The following FANCB variants were observed in gnomAD, a reference collection of about 807,000 sequenced individuals.
FANCB encodes the protein FA complementation group B, also known as Fanconi anemia group B protein.
In FANCB, 5 loss-of-function variants were observed where a neutral mutation model predicts 38.9. The ratio of observed to expected loss-of-function variants is 0.13; its 90% CI spans 0.07 to 0.27. The LOEUF is 0.27. FANCB is among the 10% of genes least tolerant of loss of function. The probability of loss-of-function intolerance (pLI) is 1.00; values close to 1 mark genes in which losing one functional copy is unlikely to be tolerated. For missense variants in FANCB, 573 were observed against 602.7 expected (o/e 0.95, Z 0.52); for synonymous variants, 236 against 215.4 (o/e 1.10, Z -0.84).
intron 10 of FANCB, among the ~76,000 whole-genome samples, chrX:14,837,254 C>G (rs2092343662): frequency 8.9e-6 from 1 of 112,292 alleles, no homozygotes; most frequent in Admixed American, 9.5e-5. Context: ...CACCTTGCAC[C>G]TTTCCCTGGA....
rs141160024 is a variant in FANCB, at chrX:14,851,828, G to A, written c.1327-1154C>T. On this transcript the variant is annotated intron_variant, in intron 6 of 9. Coordinates refer to ENST00000650831, the MANE Select transcript of FANCB (RefSeq NM_001018113.3). The stretch of plus-strand genomic sequence containing the variant: ...GAAATTAGAACAGTAATATAGAAAT[G>A]CAACACAATGTTTTTTTGTTACGTT... 5.7e-3 allele frequency among the ~76,000 whole-genome samples: 634 copies of A among 112,168 alleles called. 4 individuals are homozygous for A. The highest frequency in any genetic ancestry group is 8.2e-3 in the Non-Finnish European group (437 of 53,211).
exon 11 of FANCB, chrX:14,836,204 A>G (rs973713194): frequency 3.6e-5 from 4 of 112,138 alleles, no homozygotes; most frequent in Non-Finnish European, 7.5e-5. Flanking sequence ...CACTCACATG[A>G]AGTATCTAAA....
chrX:14,744,546 A>G, the FANCB span, among the ~76,000 whole-genome samples: 1 of 112,031 alleles, frequency 8.9e-6, no homozygotes, highest in East Asian at 2.8e-4. Flanking sequence ...TGAACATTCA[A>G]TTTAAAAGAG....
At chrX:14,794,755 T>G in the FANCB span, among the ~76,000 whole-genome samples, 1 of 111,968 alleles carries the variant, frequency 8.9e-6, no homozygotes, top group African/African-American at 3.2e-5. Flanking sequence ...TTGCAGTAGG[T>G]GGGCTCATCC....
At chrX:14,745,999 C>T in the FANCB span, among the ~76,000 whole-genome samples, 1 of 110,825 alleles carries the variant, frequency 9.0e-6, no homozygotes, top group Non-Finnish European at 1.9e-5. Flanking sequence ...CGCACCCGGC[C>T]GAAACTCTGG....
chrX:14,754,389 T>C, the FANCB span, among the ~76,000 whole-genome samples: 5 of 112,351 alleles, frequency 4.5e-5, no homozygotes, highest in Admixed American at 1.9e-4. Context: ...GACTGAATGA[T>C]GGCCACAGTG....
the FANCB span, chrX:14,730,213 G>T: frequency 8.3e-7 from 1 of 1,199,345 alleles, no homozygotes; most frequent in Non-Finnish European, 1.1e-6. Context: ...TCAGGAAGAA[G>T]ACGTTACTCG....
the FANCB span, among the ~76,000 whole-genome samples, chrX:14,809,227 G>A: frequency 8.9e-4 from 100 of 112,399 alleles, no homozygotes; most frequent in Non-Finnish European, 1.7e-3. Context: ...GAACAGCTCC[G>A]GTCTACAGCT....
chrX:14,804,162 C>T, the FANCB span, among the ~76,000 whole-genome samples: 2 of 111,958 alleles, frequency 1.8e-5, no homozygotes, highest in Admixed American at 1.9e-4. Context: ...ATAAATCATG[C>T]TGCTATAAAG....
At chrX:14,725,039 C>G in the FANCB span, among the ~76,000 whole-genome samples, 1 of 111,510 alleles carries the variant, frequency 9.0e-6, no homozygotes, top group African/African-American at 3.3e-5. Context: ...TCAGACAGAC[C>G]TGGATTTGAA....
the FANCB span, among the ~76,000 whole-genome samples, chrX:14,764,340 T>C: frequency 1.1e-4 from 12 of 111,603 alleles, 1 homozygote; most frequent in South Asian, 4.5e-3. Flanking sequence ...TCTGCTCATA[T>C]TCCATCTCGC....
the FANCB span, among the ~76,000 whole-genome samples, chrX:14,702,829 G>A: frequency 9.0e-6 from 1 of 111,459 alleles, no homozygotes; most frequent in Admixed American, 9.5e-5. Context: ...GGACAGGGTT[G>A]CGTGAAAAGG....
intron 7 of FANCB, among the ~76,000 whole-genome samples, chrX:14,848,720 T>C (rs2092387856): frequency 1.8e-5 from 2 of 112,183 alleles, no homozygotes; most frequent in South Asian, 7.4e-4. Flanking sequence ...TACTTCTACA[T>C]ACAAAAATGT....
At chrX:14,839,024 C>T (rs1449238678), downstream of FANCB, among the ~76,000 whole-genome samples, 1 of 111,637 alleles carries the variant, frequency 9.0e-6, no homozygotes, top group Non-Finnish European at 1.9e-5. Context: ...GGCACAGTGG[C>T]TCATGCCTGT....
At chrX:14,753,816 T>C in the FANCB span, among the ~76,000 whole-genome samples, 667 of 112,258 alleles carry the variant, frequency 5.9e-3, 4 homozygotes, top group African/African-American at 0.02. Context: ...GGCAGAGCGC[T>C]TCCCTAGACC....
chrX:14,842,766 GT>G (rs1238181956), downstream of FANCB, among the ~76,000 whole-genome samples: 2 of 111,553 alleles, frequency 1.8e-5, no homozygotes, highest in East Asian at 5.6e-4. Flanking sequence ...GCTTAAAAGC[GT>G]TTTCATTTTT....
At chrX:14,715,064 T>C in the FANCB span, among the ~76,000 whole-genome samples, 1 of 112,580 alleles carries the variant, frequency 8.9e-6, no homozygotes, top group African/African-American at 3.2e-5. Flanking sequence ...TGTAAACACA[T>C]ACATAAATGA....
the FANCB span, among the ~76,000 whole-genome samples, chrX:14,784,198 C>T: frequency 1.8e-5 from 2 of 112,117 alleles, no homozygotes; most frequent in South Asian, 3.7e-4. Flanking sequence ...CAACAAGAAG[C>T]GAAACTCAGT....
the FANCB span, among the ~76,000 whole-genome samples, chrX:14,786,410 G>A: frequency 4.5e-5 from 5 of 111,295 alleles, no homozygotes; most frequent in Admixed American, 9.5e-5. Flanking sequence ...GACTCTTCCT[G>A]ACCCCTAGAT....
Sources: allele counts gnomAD v4.1 joint callset (sites outside exome capture counted in the v4.1 genomes callset), GRCh38; gene constraint gnomAD v4.1.1; transcripts MANE v1.5; gene names NCBI Gene and HGNC (gene_info 2026-07-23, HGNC 2026-07-21).